The following GRIK1 variants were observed in gnomAD, a reference collection of about 807,000 sequenced individuals.
The protein encoded by GRIK1 is glutamate ionotropic receptor kainate type subunit 1.
In GRIK1, 69 loss-of-function variants were observed where a neutral mutation model predicts 105.7. The observed-to-expected ratio is 0.65, with a 90% CI of 0.54 to 0.80. The LOEUF (loss-of-function observed/expected upper bound fraction) is 0.80, where lower values mean the gene tolerates loss of function less well. Ranked by LOEUF, GRIK1 falls within the 30% of genes least tolerant of loss-of-function variation. GRIK1 has a pLI of 0.00. For missense variants in GRIK1, 1,109 were observed against 1,167.3 expected, an observed-to-expected ratio of 0.95 and a Z score of 0.73; for synonymous variants, 438 against 431.3, an observed-to-expected ratio of 1.02 and a Z score of -0.19.
intron 1 of GRIK1, among the ~76,000 whole-genome samples, chr21:29,783,684 A>C (rs1253520838): frequency 6.6e-6 from 1 of 152,120 alleles, no homozygotes. Context: ...TTTTACACAT[A>C]ATGCTGCATT....
intron 1 of GRIK1, among the ~76,000 whole-genome samples, chr21:29,934,871 TA>T (rs2071695465): frequency 6.6e-6 from 1 of 151,888 alleles, no homozygotes; most frequent in Non-Finnish European, 1.5e-5. Flanking sequence ...ATGACACAGG[TA>T]AAATTGTTAA....
intron 1 of GRIK1, among the ~76,000 whole-genome samples, chr21:29,886,899 T>C (rs2069651998): frequency 1.3e-5 from 2 of 152,060 alleles, no homozygotes; most frequent in African/African-American, 4.8e-5. Context: ...TATCCACACA[T>C]AGGTAGCTGG....
At chr21:29,680,412 T>C (rs2063348487) in intron 3 of GRIK1, among the ~76,000 whole-genome samples, 1 of 152,242 alleles carries the variant, frequency 6.6e-6, no homozygotes, top group Non-Finnish European at 1.5e-5. Flanking sequence ...ACTCTTCTAC[T>C]GTATTGCCTC....
chr21:29,555,662 T>C (rs1370869988), intron 15 of GRIK1, among the ~76,000 whole-genome samples: 1 of 152,160 alleles, frequency 6.6e-6, no homozygotes, highest in East Asian at 1.9e-4. Context: ...TAAGCCCCCA[T>C]TGACTGAACG....
At chr21:29,914,335 C>A (rs914842306) in intron 1 of GRIK1, among the ~76,000 whole-genome samples, 6 of 152,030 alleles carry the variant, frequency 3.9e-5, no homozygotes, top group Non-Finnish European at 8.8e-5. Context: ...TGCTAGCTGA[C>A]AAGATGGAAG....
chr21:29,882,467 A>AAGG (rs1324639604), intron 1 of GRIK1, among the ~76,000 whole-genome samples: 7 of 152,098 alleles, frequency 4.6e-5, no homozygotes, highest in Non-Finnish European at 7.4e-5. Flanking sequence ...TGTGGGAAGA[A>AAGG]AGGAGGGCTG....
Position 29,755,677 on chromosome 21 carries a change from G to A in GRIK1, c.119-61614C>T, listed in dbSNP as rs972881374. On this transcript the variant is annotated intron_variant, in intron 1 of 17. Coordinates refer to ENST00000327783, the MANE Select transcript of GRIK1 (RefSeq NM_001330994.2). ...TCCCGTAGAGCATGGAGCATCCACA[G>A]GAGCCCTCTGATATGGAATGAGAAC... Among the ~76,000 whole-genome samples the A allele has an allele frequency of 7.9e-5, 12 of 152,266 alleles. No individual in the cohort carries two copies. The South Asian group carries it at 1.0e-3, about 13-fold the overall frequency.
intron 14 of GRIK1, among the ~76,000 whole-genome samples, chr21:29,572,314 G>C (rs997957770): frequency 6.6e-6 from 1 of 151,978 alleles, no homozygotes; most frequent in East Asian, 1.9e-4. Flanking sequence ...ATTTCTTCTC[G>C]GTAAACTGGG....
At chr21:29,812,183 G>A (rs1264015211) in intron 1 of GRIK1, among the ~76,000 whole-genome samples, 1 of 152,042 alleles carries the variant, frequency 6.6e-6, no homozygotes. Flanking sequence ...ATAGGGATTT[G>A]CCTGTCTTAC....
chr21:29,677,402 T>TC (rs1455302018), intron 3 of GRIK1, among the ~76,000 whole-genome samples: 2 of 152,340 alleles, frequency 1.3e-5, no homozygotes, highest in East Asian at 1.9e-4. Context: ...CTGTTTTTTT[T>TC]CACATGAATT....
chr21:29,616,512 T>C (rs1054315602), intron 7 of GRIK1, among the ~76,000 whole-genome samples: 1 of 152,220 alleles, frequency 6.6e-6, no homozygotes, highest in African/African-American at 2.4e-5. Context: ...GCAGAATTGC[T>C]GAGCAAGCCC....
chr21:29,799,309 C>A (rs1286413277), intron 1 of GRIK1, among the ~76,000 whole-genome samples: 1 of 152,108 alleles, frequency 6.6e-6, no homozygotes, highest in African/African-American at 2.4e-5. Flanking sequence ...TATGTAAAAC[C>A]ACATGGCGCT....
At chr21:29,585,221 G>A (rs756778453) in intron 12 of GRIK1, among the ~76,000 whole-genome samples, 21 of 151,812 alleles carry the variant, frequency 1.4e-4, no homozygotes, top group Non-Finnish European at 2.2e-4. Flanking sequence ...TGGTAGTGGG[G>A]GTACTGTTAT....
chr21:29,893,257 T>C (rs2146228436), intron 1 of GRIK1, among the ~76,000 whole-genome samples: 1 of 152,348 alleles, frequency 6.6e-6, no homozygotes, highest in East Asian at 1.9e-4. Flanking sequence ...GTTTTTTATT[T>C]ATTATCTGGG....
chr21:29,779,951 C>T (rs571565448), intron 1 of GRIK1, among the ~76,000 whole-genome samples: 64 of 152,268 alleles, frequency 4.2e-4, no homozygotes, highest in African/African-American at 1.4e-3. Flanking sequence ...CTTCTTGGAA[C>T]ACTAAATACT....
intron 7 of GRIK1, among the ~76,000 whole-genome samples, chr21:29,621,951 CTT>C (rs573545339): frequency 2.8e-5 from 4 of 143,672 alleles, no homozygotes; most frequent in Non-Finnish European, 3.1e-5. Context: ...CTTCTTTTTT[CTT>C]TTTTTTTTTT....
In GRIK1 at chr21:29,555,099, T is replaced by C. The variant is rs1307121088; in HGVS notation, c.2560A>G (p.Ile854Val). 1 of 1,609,704 alleles carries C rather than the reference T, an allele frequency of 6.2e-7. No individual in the cohort carries two copies. Among genetic ancestry groups the C allele is most frequent in the East Asian group, 2.2e-5 (1 of 44,854 alleles). Residue 854 changes from isoleucine (I) to valine (V), a missense_variant, in exon 16 of 18, where the codon ATT becomes GTT. Physicochemically the swap from Ile to Val is conservative, Grantham distance 29 (BLOSUM62 3). Around this residue, in one of 5 missense-constraint regions of GRIK1, gnomAD observed 161 missense variants for 143.4 expected, o/e 1.12. Coordinates refer to ENST00000327783, the MANE Select transcript of GRIK1 (RefSeq NM_001330994.2). ...CGTGATTTGTATATGAATTCTCCAATAGCTACAAATACAGAAAGGACCAGT... is the reference window on the plus strand; with the variant it reads ...CGTGATTTGTATATGAATTCTCCAACAGCTACAAATACAGAAAGGACCAGT... ...AGLVLSVFVA[I>V]GEFIYKSRKN...
chr21:29,593,913 G>T (rs1456669889), intron 9 of GRIK1, among the ~76,000 whole-genome samples: 2 of 152,326 alleles, frequency 1.3e-5, no homozygotes, highest in East Asian at 3.9e-4. Flanking sequence ...TAAAAGTGCA[G>T]AAGCTAAGAG....
Position 29,726,775 on chromosome 21 carries a change from T to C in GRIK1, c.119-32712A>G, listed in dbSNP as rs187001725. Among the ~76,000 whole-genome samples the C allele has an allele frequency of 4.6e-4, 70 of 151,946 alleles. 1 individual carries two copies. Among genetic ancestry groups the C allele is most frequent in the African/African-American group, 1.6e-3 (68 of 41,524 alleles). ...AATTATTGTTTACAATTGTTATTGGTACATGTAGACACATATATAGGTATA... is the reference window on the plus strand; with the variant it reads ...AATTATTGTTTACAATTGTTATTGGCACATGTAGACACATATATAGGTATA... On this transcript the variant is annotated intron_variant, in intron 1 of 17. Transcript: ENST00000327783.
Sources: gnomAD v4.1 joint callset for allele counts (sites outside exome capture counted in the v4.1 genomes callset) on GRCh38, gnomAD v4.1.1 for gene constraint, gnomAD v4.1.1 regional missense constraint, MANE v1.5 for transcripts, NCBI Gene and HGNC (gene_info 2026-07-23, HGNC 2026-07-21) for gene names.